The following PRKCE variants were observed in gnomAD, a reference collection of about 807,000 sequenced individuals.
The protein encoded by PRKCE is protein kinase C epsilon.
In PRKCE, 16 loss-of-function variants were observed where a neutral mutation model predicts 85.4. That is an observed-to-expected ratio of 0.19 (90% CI 0.13 to 0.28). The LOEUF (loss-of-function observed/expected upper bound fraction) is 0.28. Among genes scored for constraint, PRKCE ranks in the 10% least tolerant of loss-of-function variants. PRKCE has a pLI of 1.00. For missense variants in PRKCE, 573 were observed against 975.2 expected (o/e 0.59, Z 5.49); for synonymous variants, 388 against 371.5 (o/e 1.04, Z -0.51).
chr2:46,092,213 T>C (rs536425121), intron 11 of PRKCE, among the ~76,000 whole-genome samples: 5 of 152,362 alleles, frequency 3.3e-5, no homozygotes, highest in African/African-American at 1.2e-4. Flanking sequence ...CAGTGGGAAA[T>C]GACAGAGCGT....
intron 10 of PRKCE, among the ~76,000 whole-genome samples, chr2:46,024,017 C>A (rs1330723217): frequency 6.6e-6 from 1 of 152,216 alleles, no homozygotes; most frequent in Non-Finnish European, 1.5e-5. Flanking sequence ...CTGGAAGCGG[C>A]AGAGCCTAAA....
chr2:45,825,507 A>T (rs1032475158), intron 1 of PRKCE, among the ~76,000 whole-genome samples: 7 of 151,962 alleles, frequency 4.6e-5, no homozygotes, highest in Non-Finnish European at 8.8e-5. Context: ...TTTTTTCCCC[A>T]CCACACAAAC....
chr2:46,014,865 G>C (rs1018156219), intron 10 of PRKCE, among the ~76,000 whole-genome samples: 2 of 152,206 alleles, frequency 1.3e-5, no homozygotes, highest in Non-Finnish European at 2.9e-5. Context: ...CTGAAACCTA[G>C]AAATTATTTC....
At chr2:45,705,755 A>T (rs1335904435) in intron 1 of PRKCE, among the ~76,000 whole-genome samples, 1 of 152,180 alleles carries the variant, frequency 6.6e-6, no homozygotes, top group African/African-American at 2.4e-5. Context: ...TACCAGGCAT[A>T]ATTTCTATAA....
chr2:45,854,051 C>A (rs897873702), intron 2 of PRKCE, among the ~76,000 whole-genome samples: 1 of 152,218 alleles, frequency 6.6e-6, no homozygotes, highest in Admixed American at 6.5e-5. Flanking sequence ...TTCTATACAA[C>A]CATGTACTCA....
intron 1 of PRKCE, among the ~76,000 whole-genome samples, chr2:45,813,210 A>T: frequency 6.6e-6 from 1 of 152,086 alleles, no homozygotes; most frequent in East Asian, 1.9e-4. Flanking sequence ...CACTTATCTA[A>T]CTGGATTCAG....
At position 46,096,522 on chromosome 2, in the gene PRKCE, G is replaced by A. The variant is rs550134958; in HGVS notation, c.1592+10160G>A. Among the ~76,000 whole-genome samples the A allele has an allele frequency of 3.9e-5, 6 of 152,236 alleles. No homozygotes were observed. In the East Asian group the frequency reaches 1.2e-3, roughly 29 times the overall value. ...GTCATTGGGTGACCTAATCCAATATGACTGATGTCCTTATAAGAAGAGGAG... is the reference window on the plus strand; with the variant it reads ...GTCATTGGGTGACCTAATCCAATATAACTGATGTCCTTATAAGAAGAGGAG... On this transcript the variant is annotated intron_variant, in intron 11 of 14. Coordinates refer to ENST00000306156, the MANE Select transcript of PRKCE (RefSeq NM_005400.3).
At chr2:45,866,095 C>T (rs1426102029) in intron 2 of PRKCE, among the ~76,000 whole-genome samples, 5 of 152,216 alleles carry the variant, frequency 3.3e-5, no homozygotes, top group African/African-American at 7.2e-5. Context: ...GCTGGGATTA[C>T]AGGCATGAGC....
intron 2 of PRKCE, among the ~76,000 whole-genome samples, chr2:45,935,768 A>C (rs1699400992): frequency 1.4e-5 from 2 of 146,340 alleles, no homozygotes; most frequent in African/African-American, 2.5e-5. Context: ...CCACACGACA[A>C]AGTGAGACTG....
chr2:45,715,554 A>T (rs1384926744), intron 1 of PRKCE, among the ~76,000 whole-genome samples: 1 of 151,900 alleles, frequency 6.6e-6, no homozygotes, highest in Non-Finnish European at 1.5e-5. Flanking sequence ...GGAGCAAGAG[A>T]CTCCTGCTCA....
rs185352294 is a variant in PRKCE, at chr2:45,886,455, C to G, written c.412+43392C>G. Among the ~76,000 whole-genome samples, 11 of 152,308 alleles carry G rather than the reference C, an allele frequency of 7.2e-5. 1 individual carries two copies. The highest frequency in any genetic ancestry group is 2.2e-4 in the African/African-American group (9 of 41,566). On this transcript the variant is annotated intron_variant, in intron 2 of 14. Transcript: ENST00000306156. ...TGGCATTTTAATGCTAGCAGTAAAA[C>G]AAACCTGCCATGCTGACTTCTATTG...
intron 10 of PRKCE, among the ~76,000 whole-genome samples, chr2:46,023,903 T>C (rs1706888980): frequency 6.6e-6 from 1 of 151,602 alleles, no homozygotes; most frequent in African/African-American, 2.4e-5. Context: ...CTATATAGTG[T>C]TCATTACATG....
rs111920490 is a variant in PRKCE at position 45,859,270 on chromosome 2, A to G, written c.412+16207A>G. On this transcript the variant is annotated intron_variant, in intron 2 of 14. Transcript: ENST00000306156. ...TTGGGATTACTTTCAAGTTTTTTCT[A>G]TTAAGGACAATAGTATATTATGGGG... Among the ~76,000 whole-genome samples the G allele has an allele frequency of 7.2e-3, 1,097 of 152,004 alleles. 9 individuals carry two copies. The highest frequency in any genetic ancestry group is 0.012 in the Non-Finnish European group (834 of 67,970).
intron 1 of PRKCE, among the ~76,000 whole-genome samples, chr2:45,823,566 T>A (rs566449896): frequency 3.3e-5 from 5 of 152,308 alleles, no homozygotes; most frequent in African/African-American, 1.2e-4. Flanking sequence ...CTCCAGATAG[T>A]CACTCCACAG....
intron 14 of PRKCE, among the ~76,000 whole-genome samples, chr2:46,165,392 C>T (rs1678238007): frequency 6.6e-6 from 1 of 152,202 alleles, no homozygotes; most frequent in Admixed American, 6.5e-5. Context: ...CCGGGGGTGG[C>T]TTGCTTCAGA....
intron 1 of PRKCE, among the ~76,000 whole-genome samples, chr2:45,744,450 T>C (rs1472341081): frequency 1.7e-5 from 1 of 57,688 alleles, no homozygotes; most frequent in African/African-American, 7.9e-5. Flanking sequence ...TCTTTCTTTC[T>C]TTCTTTCTTT....
intron 11 of PRKCE, among the ~76,000 whole-genome samples, chr2:46,090,572 G>C (rs891543591): frequency 5.9e-5 from 9 of 152,156 alleles, no homozygotes; most frequent in African/African-American, 2.2e-4. Flanking sequence ...TTCTAATCCA[G>C]TGGATTGCTA....
Position 46,004,657 on chromosome 2 carries a change from C to T in PRKCE, c.1063+19C>T, listed in dbSNP as rs1705012700. 6.5e-7 allele frequency: 1 copy of T among 1,547,770 alleles called. No individual in the cohort carries two copies. Among genetic ancestry groups the T allele is most frequent in the African/African-American group, 1.4e-5 (1 of 74,034 alleles). On this transcript the variant is annotated intron_variant, in intron 8 of 14. Transcript: ENST00000306156. The surrounding 1 kb of genome is among the most constrained non-coding windows in gnomAD (Gnocchi z 4.1). Reference sequence around the variant, plus strand: ...GACCAGGGTGAGACCCTCAGATTTGCTTCCTGACCTCTGAGTTCTGCCATT... The same window carrying T: ...GACCAGGGTGAGACCCTCAGATTTGTTTCCTGACCTCTGAGTTCTGCCATT...
At chr2:45,832,072 A>G (rs1690469557) in intron 1 of PRKCE, among the ~76,000 whole-genome samples, 1 of 152,194 alleles carries the variant, frequency 6.6e-6, no homozygotes, top group African/African-American at 2.4e-5. Flanking sequence ...CTCACAGGAC[A>G]TGGTTCCAAC....
Sources: allele counts gnomAD v4.1 joint callset (sites outside exome capture counted in the v4.1 genomes callset), GRCh38; gene constraint gnomAD v4.1.1; non-coding constraint Gnocchi (gnomAD v3.1); transcripts MANE v1.5; gene names NCBI Gene and HGNC (gene_info 2026-07-23, HGNC 2026-07-21).